Variants in USP54 observed in about 807,000 individuals in gnomAD.
The protein encoded by USP54 is ubiquitin specific peptidase 54.
In USP54, 87 loss-of-function variants were observed where a neutral mutation model predicts 170.5. The ratio of observed to expected loss-of-function variants is 0.51; its 90% CI spans 0.43 to 0.61. USP54 has a LOEUF of 0.61. Among genes scored for constraint, USP54 ranks in the 20% least tolerant of loss-of-function variants. USP54 has a pLI of 0.00. For synonymous variants in USP54, 655 were observed against 742.8 expected, an observed-to-expected ratio of 0.88 and a Z score of 1.92; for missense variants, 1,786 against 2,047.8, an observed-to-expected ratio of 0.87 and a Z score of 2.47.
chr10:73,527,412 C>T (rs1479387888), intron 15 of USP54, among the ~76,000 whole-genome samples: 16 of 150,310 alleles, frequency 1.1e-4, no homozygotes, highest in African/African-American at 3.2e-4. Flanking sequence ...GCAGGAGAAT[C>T]GCTTGAACCC....
At chr10:73,570,718 A>C (rs2074998006) in intron 4 of USP54, among the ~76,000 whole-genome samples, 2 of 152,112 alleles carry the variant, frequency 1.3e-5, no homozygotes, top group Non-Finnish European at 2.9e-5. Context: ...TTGTACTGGC[A>C]TTTATCAATA....
In USP54 at chr10:73,560,865, A is replaced by G. The variant is rs541922957; in HGVS notation, c.240+10556T>C. Among the ~76,000 whole-genome samples, 117 of 151,370 alleles carry G rather than the reference A, an allele frequency of 7.7e-4. 1 individual carries two copies. In the South Asian group the frequency reaches 0.013, roughly 17 times the overall value. On this transcript the variant is annotated intron_variant, in intron 4 of 23. Coordinates refer to ENST00000687698, the MANE Select transcript of USP54 (RefSeq NM_001391956.1). ...CACACCTGTAATCCTAGCACTTTGGAAGGCCGAGGTGGGCAGATCACAAGG... is the reference window on the plus strand; with the variant it reads ...CACACCTGTAATCCTAGCACTTTGGGAGGCCGAGGTGGGCAGATCACAAGG...
chr10:73,545,548 G>C lies in USP54; in HGVS notation c.365C>G (p.Ala122Gly). The change falls in exon 5 of 24, where the codon GCA becomes GGA. Residue 122 changes from alanine to glycine, a missense_variant. Coordinates refer to ENST00000687698, the MANE Select transcript of USP54 (RefSeq NM_001391956.1). Reference sequence around the variant, plus strand: ...GAGGCCAGCACTTACAAAGCACTCTGCAGCATCATCCATAATTCCCAGCTG... The same window carrying C: ...GAGGCCAGCACTTACAAAGCACTCTCCAGCATCATCCATAATTCCCAGCTG... ...RFQLGIMDDA[A>G]ECFENLLMRI... The C allele has an allele frequency of 6.2e-7, 1 of 1,614,148 alleles. No individual in the cohort carries two copies. The highest frequency in any genetic ancestry group is 8.5e-7 in the Non-Finnish European group (1 of 1,179,990).
intron 3 of USP54, among the ~76,000 whole-genome samples, chr10:73,573,973 T>C (rs1390938630): frequency 6.6e-6 from 1 of 152,204 alleles, no homozygotes; most frequent in East Asian, 1.9e-4. Context: ...TCTTGTCTTC[T>C]CTCATAGCAA....
At position 73,516,591 on chromosome 10, in the gene USP54, G is replaced by C; in HGVS notation, c.3835C>G (p.Pro1279Ala). 1 of 1,614,204 alleles carries C rather than the reference G, an allele frequency of 6.2e-7. No homozygotes were observed. The highest frequency in any genetic ancestry group is 8.5e-7 in the Non-Finnish European group (1 of 1,180,054). Reference protein sequence around the residue: ...FCDSQLKHGAPRPGMKSSPHD... With the variant: ...FCDSQLKHGAARPGMKSSPHD... ...GGGGAGGACTTCATTCCTGGCCTAGGTGCCCCATGCTTAAGCTGAGAATCA... is the reference window on the plus strand; with the variant it reads ...GGGGAGGACTTCATTCCTGGCCTAGCTGCCCCATGCTTAAGCTGAGAATCA... The change falls in exon 20 of 24, where the codon CCT becomes GCT. Residue 1279 changes from proline (P) to alanine (A), a missense_variant. Pro to Ala is a conservative substitution (Grantham distance 27, BLOSUM62 -1). Transcript: ENST00000687698.
At chr10:73,596,382 C>T (rs1477983901) in intron 1 of USP54, among the ~76,000 whole-genome samples, 1 of 151,932 alleles carries the variant, frequency 6.6e-6, no homozygotes, top group Non-Finnish European at 1.5e-5. Context: ...ATAGTGAAAC[C>T]CTGTCTCTAC....
chr10:73,533,806 A>G (rs1295251567), intron 12 of USP54, among the ~76,000 whole-genome samples: 2 of 152,240 alleles, frequency 1.3e-5, no homozygotes, highest in East Asian at 3.8e-4. Context: ...AATAACAAAT[A>G]GGTATCTTTC....
chr10:73,526,781 C>T lies in USP54; in HGVS notation c.2061-1G>A, dbSNP rs763045730. 1.2e-6 allele frequency: 2 copies of T among 1,613,526 alleles called. No individual in the cohort carries two copies. Among genetic ancestry groups the T allele is most frequent in the Non-Finnish European group, 1.7e-6 (2 of 1,179,834 alleles). On this transcript the variant is annotated splice_acceptor_variant, in intron 15 of 23. Coordinates refer to ENST00000687698, the MANE Select transcript of USP54 (RefSeq NM_001391956.1). LOFTEE classifies it high-confidence loss of function. ...AGCTGATCTCTTAGCACTTGGATCC[C>T]TTCAAAAGAGAACTCAGAGTCTAGT... is the stretch of plus-strand genomic sequence containing the variant.
intron 1 of USP54, among the ~76,000 whole-genome samples, chr10:73,608,718 A>G (rs969248981): frequency 6.6e-6 from 1 of 152,136 alleles, no homozygotes; most frequent in African/African-American, 2.4e-5. Flanking sequence ...CAACATGATG[A>G]AACCCAGTCT....
chr10:73,521,057 T>G, intron 17 of USP54, 30 bp from the exon 18 acceptor site: 1 of 1,611,626 alleles, frequency 6.2e-7, no homozygotes, highest in Non-Finnish European at 8.5e-7. Context: ...TCATTTTCAT[T>G]ACAATTCATT....
chr10:73,527,802 C>T (rs1422922556), intron 15 of USP54, among the ~76,000 whole-genome samples: 2 of 107,514 alleles, frequency 1.9e-5, no homozygotes, highest in Non-Finnish European at 3.5e-5. Flanking sequence ...GAGTTCAAGA[C>T]AAGCCTGGGC....
At chr10:73,560,111 A>T (rs1414208961) in intron 4 of USP54, among the ~76,000 whole-genome samples, 1 of 152,164 alleles carries the variant, frequency 6.6e-6, no homozygotes, top group African/African-American at 2.4e-5. Flanking sequence ...TAGCCTCATC[A>T]AACATCCCTC....
At chr10:73,588,991 G>A (rs1422838756) in intron 1 of USP54, among the ~76,000 whole-genome samples, 2 of 152,166 alleles carry the variant, frequency 1.3e-5, no homozygotes, top group African/African-American at 4.8e-5. Flanking sequence ...TTTCCCAAAT[G>A]ATTGTCTTTT....
intron 1 of USP54, among the ~76,000 whole-genome samples, chr10:73,608,400 T>C (rs1733906479): frequency 6.6e-6 from 1 of 151,890 alleles, no homozygotes; most frequent in African/African-American, 2.4e-5. Flanking sequence ...GAAATAACTG[T>C]ATACATTTAC....
chr10:73,611,551 G>T lies in USP54; in HGVS notation c.-18+14016C>A, dbSNP rs373259841. 5.9e-5 allele frequency: 9 copies of T among 151,838 alleles called. No homozygotes were observed. The South Asian group carries it at 1.0e-3, about 18-fold the overall frequency. 9.4% of individuals were successfully genotyped at this position (151,838 alleles called of 1,614,324 possible). On this transcript the variant is annotated intron_variant, in intron 1 of 22. Transcript: ENST00000339859. Reference sequence around the variant, plus strand: ...CACACCTGTAATCCCAGCACTTTGGGAGGCCAAGGCAGGTGCATCCCTTGA... The same window carrying T: ...CACACCTGTAATCCCAGCACTTTGGTAGGCCAAGGCAGGTGCATCCCTTGA...
rs77292585 is a variant in USP54 at position 73,570,524 on chromosome 10, A to G, written c.240+897T>C. On this transcript the variant is annotated intron_variant, in intron 4 of 23. Transcript: ENST00000687698. The stretch of plus-strand genomic sequence containing the variant: ...AACTAGGGAATAGAAAAATTTTAGT[A>G]CTGGCATTACTCTCTTTTCCTTTTT... 2.7e-5 allele frequency among the ~76,000 whole-genome samples: 4 copies of G among 150,106 alleles called. No individual in the cohort carries two copies. In the East Asian group the frequency reaches 7.8e-4, roughly 29 times the overall value.
chr10:73,611,595 A>G (rs2080148416), intron 1 of USP54: 1 of 151,442 alleles, frequency 6.6e-6, no homozygotes, highest in African/African-American at 2.4e-5. Flanking sequence ...GTTCGAGACC[A>G]GCCTGGTCGA....
intron 19 of USP54, chr10:73,518,262 C>T (rs955975358): frequency 1.0e-6 from 1 of 982,074 alleles, no homozygotes. Flanking sequence ...GATTTGGGCT[C>T]ATGGGAATAC....
chr10:73,558,957 G>A (rs1413807449), intron 4 of USP54, among the ~76,000 whole-genome samples: 2 of 151,762 alleles, frequency 1.3e-5, no homozygotes, highest in Non-Finnish European at 2.9e-5. Context: ...TAGGCTACAT[G>A]GTTTGTTTTT....
Sources: allele counts gnomAD v4.1 joint callset (sites outside exome capture counted in the v4.1 genomes callset), GRCh38; gene constraint gnomAD v4.1.1; transcripts MANE v1.5; gene names NCBI Gene and HGNC (gene_info 2026-07-23, HGNC 2026-07-21).